The following MTCL3 variants were observed in gnomAD, a reference collection of about 807,000 sequenced individuals.
MTCL3 encodes MTCL family member 3, also known as microtubule cross-linking factor 3.
At chr6:127,508,994 T>G in the MTCL3 span, among the ~76,000 whole-genome samples, 1,712 of 152,308 alleles carry the variant, frequency 0.011, 27 homozygotes, top group South Asian at 0.028. Flanking sequence ...TAGTTGTTGT[T>G]TACATGACAT....
chr6:127,516,574 G>T, the MTCL3 span: 1 of 1,597,826 alleles, frequency 6.3e-7, no homozygotes, highest in Non-Finnish European at 8.5e-7. Flanking sequence ...AGAAGCTGCT[G>T]CTGTGGCAGG....
At chr6:127,508,688 T>C in the MTCL3 span, among the ~76,000 whole-genome samples, 1 of 152,232 alleles carries the variant, frequency 6.6e-6, no homozygotes, top group Non-Finnish European at 1.5e-5. Context: ...ATCATCATCA[T>C]CTTACTCTTT....
the MTCL3 span, chr6:127,475,869 G>A: frequency 2.5e-6 from 4 of 1,613,526 alleles, no homozygotes; most frequent in Non-Finnish European, 3.4e-6. This position sits in a 1 kb window ranked among gnomAD's most constrained non-coding sequence, Gnocchi z 7.3. Context: ...GCAGCTGCAT[G>A]ACCTTGCCGC....
At chr6:127,513,169 G>T in the MTCL3 span, 2 of 910,376 alleles carry the variant, frequency 2.2e-6, no homozygotes, top group Non-Finnish European at 3.2e-6. Context: ...CATGTGCCAG[G>T]CATTATTCCA....
the MTCL3 span, among the ~76,000 whole-genome samples, chr6:127,511,511 C>G: frequency 4.2e-3 from 644 of 152,152 alleles, 12 homozygotes; most frequent in East Asian, 0.04. Context: ...GTCTTACATA[C>G]CAGAAAAAGA....
At chr6:127,488,609 A>G in the MTCL3 span, among the ~76,000 whole-genome samples, 1 of 152,226 alleles carries the variant, frequency 6.6e-6, no homozygotes, top group Non-Finnish European at 1.5e-5. Context: ...CAGGTAAACA[A>G]AAGCCCATTT....
chr6:127,490,100 C>G, the MTCL3 span, among the ~76,000 whole-genome samples: 34 of 152,282 alleles, frequency 2.2e-4, no homozygotes, highest in Admixed American at 1.6e-3. Context: ...TTCTGAAAAT[C>G]CTAGGGTCAT....
the MTCL3 span, chr6:127,516,142 C>T: frequency 1.4e-6 from 2 of 1,449,112 alleles, no homozygotes; most frequent in Non-Finnish European, 1.8e-6. Context: ...AGGGGGTTCC[C>T]CGAGTTTCGA....
chr6:127,505,498 C>A, the MTCL3 span, among the ~76,000 whole-genome samples: 1 of 152,124 alleles, frequency 6.6e-6, no homozygotes, highest in Non-Finnish European at 1.5e-5. Flanking sequence ...AGGGGAACAA[C>A]ACTCATTGGG....
the MTCL3 span, chr6:127,514,731 C>T: frequency 1.0e-6 from 1 of 975,518 alleles, no homozygotes; most frequent in African/African-American, 1.6e-5. Flanking sequence ...CCTTGCCAGT[C>T]GCCACTGAAG....
At chr6:127,501,048 G>A in the MTCL3 span, among the ~76,000 whole-genome samples, 2 of 152,152 alleles carry the variant, frequency 1.3e-5, no homozygotes, top group African/African-American at 4.8e-5. Context: ...TCCTGACCTC[G>A]TGATCTGCCT....
At chr6:127,476,331 C>A in the MTCL3 span, 10 of 1,614,190 alleles carry the variant, frequency 6.2e-6, no homozygotes, top group Non-Finnish European at 7.6e-6. This position sits in a 1 kb window ranked among gnomAD's most constrained non-coding sequence, Gnocchi z 4.4. Context: ...TGTCCAGATC[C>A]CCATAAAAGG....
At chr6:127,473,144 T>A in the MTCL3 span, 1 of 1,216,644 alleles carries the variant, frequency 8.2e-7, no homozygotes, top group Non-Finnish European at 1.0e-6. Flanking sequence ...TTGTATCTTT[T>A]TAAAGAAATA....
the MTCL3 span, among the ~76,000 whole-genome samples, chr6:127,490,549 T>G: frequency 5.9e-5 from 9 of 151,638 alleles, no homozygotes; most frequent in Non-Finnish European, 1.2e-4. Flanking sequence ...CCAGGCGCAG[T>G]GGCTCACGCC....
chr6:127,485,395 A>T, the MTCL3 span, among the ~76,000 whole-genome samples: 4 of 152,134 alleles, frequency 2.6e-5, no homozygotes, highest in African/African-American at 7.2e-5. Context: ...CTGGTGGCAT[A>T]AGTCAGATCT....
At chr6:127,474,300 CAG>C in the MTCL3 span, among the ~76,000 whole-genome samples, 1 of 152,004 alleles carries the variant, frequency 6.6e-6, no homozygotes, top group African/African-American at 2.4e-5. Flanking sequence ...TTTATTGAGA[CAG>C]AGTCTCACTC....
At chr6:127,503,938 C>T in the MTCL3 span, among the ~76,000 whole-genome samples, 1 of 152,036 alleles carries the variant, frequency 6.6e-6, no homozygotes. Context: ...TTTGAAATTA[C>T]TTATTGTTTA....
At chr6:127,506,133 C>T in the MTCL3 span, among the ~76,000 whole-genome samples, 4 of 152,104 alleles carry the variant, frequency 2.6e-5, no homozygotes, top group Non-Finnish European at 4.4e-5. Context: ...CTCCATTATT[C>T]GTGTACTTTC....
At chr6:127,516,306 C>A in the MTCL3 span, 1 of 1,577,054 alleles carries the variant, frequency 6.3e-7, no homozygotes, top group Non-Finnish European at 8.6e-7. Flanking sequence ...GCGTCGCCTT[C>A]TCGGCCCCAC....
Sources: allele counts gnomAD v4.1 joint callset (sites outside exome capture counted in the v4.1 genomes callset), GRCh38; gene constraint gnomAD v4.1.1; non-coding constraint Gnocchi (gnomAD v3.1); transcripts MANE v1.5; gene names NCBI Gene and HGNC (gene_info 2026-07-23, HGNC 2026-07-21).